NCBP3: variants seen among roughly 807,000 people sequenced by gnomAD.
NCBP3 encodes the protein nuclear cap-binding protein subunit 3.
NCBP3 carries 20 observed loss-of-function variants against 75.7 expected under a neutral mutation model. The ratio of observed to expected loss-of-function variants is 0.26; its 90% CI spans 0.19 to 0.38. The LOEUF (loss-of-function observed/expected upper bound fraction) is 0.38, where lower values mean the gene tolerates loss of function less well. Ranked by LOEUF, NCBP3 falls within the 10% of genes least tolerant of loss-of-function variation. NCBP3 has a pLI of 1.00. For missense variants in NCBP3, 678 were observed against 796.9 expected (o/e 0.85, Z 1.80); for synonymous variants, 293 against 290.5 (o/e 1.01, Z -0.09).
rs931454976 is a variant in NCBP3 at position 3,807,077 on chromosome 17, C to T, written c.*5967G>A. The T allele has an allele frequency of 1.3e-4, 20 of 152,192 alleles. No individual in the cohort carries two copies. Among genetic ancestry groups the T allele is most frequent in the Admixed American group, 1.2e-3 (19 of 15,288 alleles). 9.4% of individuals were successfully genotyped at this position (152,192 alleles called of 1,614,324 possible). A position where few individuals can be genotyped will look rare whatever the true frequency, so the allele number is the denominator to read the frequency against. On this transcript the variant is annotated 3_prime_UTR_variant, in exon 13 of 13. Transcript: ENST00000389005. ...AGCATCTCACCGTAACTTAATGCTT[C>T]GAGTGAGAAGTTTGAGGAATGCTGC...
chr17:3,814,601 C>T (rs966845894), intron 11 of NCBP3, 118 bp from the exon 12 acceptor site: 2 of 1,014,784 alleles, frequency 2.0e-6, no homozygotes, highest in Non-Finnish European at 2.9e-6. Flanking sequence ...CAGGGCCTGA[C>T]AATCAGGCTG....
intron 3 of NCBP3, among the ~76,000 whole-genome samples, chr17:3,837,428 C>G (rs1443411782): frequency 1.3e-5 from 2 of 150,586 alleles, no homozygotes; most frequent in Non-Finnish European, 3.0e-5. Context: ...ACCCGGGCGG[C>G]AGAGGTTGCA....
At chr17:3,823,051 C>A (rs560972833) in intron 7 of NCBP3, among the ~76,000 whole-genome samples, 1 of 152,204 alleles carries the variant, frequency 6.6e-6, no homozygotes, top group Non-Finnish European at 1.5e-5. Flanking sequence ...CGATGGCTCA[C>A]GCCTGTAATC....
chr17:3,833,898 T>A (rs955490525), intron 3 of NCBP3, among the ~76,000 whole-genome samples: 1 of 152,202 alleles, frequency 6.6e-6, no homozygotes, highest in Non-Finnish European at 1.5e-5. Context: ...GTCTGTTCCC[T>A]CTACTATCAC....
intron 9 of NCBP3, among the ~76,000 whole-genome samples, chr17:3,820,493 A>T (rs1049438237): frequency 6.6e-6 from 1 of 152,238 alleles, no homozygotes; most frequent in Non-Finnish European, 1.5e-5. Context: ...CACCAAAAAA[A>T]GGAGAAAGAA....
At chr17:3,820,333 T>G (rs914098317) in intron 9 of NCBP3, among the ~76,000 whole-genome samples, 2 of 152,252 alleles carry the variant, frequency 1.3e-5, no homozygotes, top group Non-Finnish European at 2.9e-5. Context: ...CATCCCTTTC[T>G]GTCCCCATTA....
chr17:3,832,094 T>C (rs561264940), intron 3 of NCBP3, among the ~76,000 whole-genome samples: 1 of 106,608 alleles, frequency 9.4e-6, no homozygotes, highest in African/African-American at 2.8e-5. Flanking sequence ...TGAGGCAGGA[T>C]AATCACTCGA....
chr17:3,814,945 G>A (rs181663388), intron 11 of NCBP3, among the ~76,000 whole-genome samples: 9 of 152,072 alleles, frequency 5.9e-5, no homozygotes, highest in Admixed American at 1.3e-4. Flanking sequence ...CCCAGAAATC[G>A]GCCTGTCCTC....
intron 3 of NCBP3, among the ~76,000 whole-genome samples, chr17:3,830,697 C>T (rs1209490223): frequency 6.6e-6 from 1 of 152,136 alleles, no homozygotes; most frequent in East Asian, 1.9e-4. Context: ...AAGCGATTCT[C>T]CTGCCTCAGC....
Position 3,818,677 on chromosome 17 carries a change from T to C in NCBP3, c.1001-105A>G. The C allele has an allele frequency of 7.9e-7, 1 of 1,269,382 alleles. No individual in the cohort carries two copies. Among genetic ancestry groups the C allele is most frequent in the East Asian group, 2.3e-5 (1 of 43,036 alleles). The allele number at this position is 1,269,382 out of a possible 1,614,324, so 78.6% of individuals were successfully genotyped here. Reference sequence around the variant, plus strand: ...TTTTAAAAGGTGGGGTTCCCATCCCTGACATTTTATTGGAGCACTATCTAT... The same window carrying C: ...TTTTAAAAGGTGGGGTTCCCATCCCCGACATTTTATTGGAGCACTATCTAT... On this transcript the variant is annotated intron_variant, in intron 9 of 12. Coordinates refer to ENST00000389005, the MANE Select transcript of NCBP3 (RefSeq NM_001114118.3). The surrounding 1 kb of genome is among the most constrained non-coding windows in gnomAD (Gnocchi z 4.7).
In NCBP3 at chr17:3,811,748, A is replaced by G. The variant is rs1187102387; in HGVS notation, c.*1296T>C. 5 of 152,240 alleles carry G rather than the reference A, an allele frequency of 3.3e-5. No homozygotes were observed. The highest frequency in any genetic ancestry group is 1.2e-4 in the African/African-American group (5 of 41,468). The allele number at this position is 152,240 out of a possible 1,614,324, so 9.4% of individuals were successfully genotyped here. On this transcript the variant is annotated 3_prime_UTR_variant, in exon 13 of 13. Transcript: ENST00000389005. Reference sequence around the variant, plus strand: ...CGGTTTATTACCATCTCTAACGCCCATGTTCCAGCAAACCGAAGAAAAACA... The same window carrying G: ...CGGTTTATTACCATCTCTAACGCCCGTGTTCCAGCAAACCGAAGAAAAACA...
chr17:3,827,177 C>A (rs2053803928), intron 4 of NCBP3, among the ~76,000 whole-genome samples: 1 of 152,160 alleles, frequency 6.6e-6, no homozygotes, highest in Admixed American at 6.5e-5. Flanking sequence ...CCTAGAGCTG[C>A]GTTTCCAAAC....
chr17:3,820,610 C>T (rs115003642), intron 9 of NCBP3, among the ~76,000 whole-genome samples: 4,482 of 152,256 alleles, frequency 0.029, 106 homozygotes, highest in African/African-American at 0.065. Context: ...AAGAACAATA[C>T]AATCAGTTCA....
chr17:3,825,107 A>T, intron 6 of NCBP3, 57 bp from the exon 7 acceptor site: 2 of 942,158 alleles, frequency 2.1e-6, no homozygotes, highest in Non-Finnish European at 3.1e-6. Context: ...ATATTTCTTC[A>T]GTAGTAAAGC....
At chr17:3,825,681 G>A (rs188647794) in intron 6 of NCBP3, 86 bp downstream of exon 6, 18 of 957,238 alleles carry the variant, frequency 1.9e-5, no homozygotes, top group African/African-American at 3.3e-5. Context: ...GAGAAAAAAC[G>A]TAACTAAGTC....
chr17:3,842,764 G>C (rs981112151), intron 2 of NCBP3, among the ~76,000 whole-genome samples: 6 of 152,032 alleles, frequency 3.9e-5, no homozygotes, highest in Admixed American at 2.6e-4. Flanking sequence ...TCCCACCTCA[G>C]CCTCTTGAGT....
chr17:3,842,411 C>T (rs2054081130), intron 2 of NCBP3, among the ~76,000 whole-genome samples: 1 of 152,022 alleles, frequency 6.6e-6, no homozygotes, highest in Admixed American at 6.6e-5. Context: ...GGCAACGGAG[C>T]GAGACTCCAC....
At chr17:3,820,747 A>G (rs1052792539) in intron 9 of NCBP3, among the ~76,000 whole-genome samples, 1 of 152,210 alleles carries the variant, frequency 6.6e-6, no homozygotes, top group Non-Finnish European at 1.5e-5. Context: ...CCTGGCCAAC[A>G]TGGTGAAACC....
At chr17:3,842,183 G>A (rs565653874) in intron 2 of NCBP3, among the ~76,000 whole-genome samples, 2 of 152,264 alleles carry the variant, frequency 1.3e-5, no homozygotes, top group South Asian at 2.1e-4. Flanking sequence ...CCAGCACTTC[G>A]GGAGGCTGAG....
Sources: allele counts gnomAD v4.1 joint callset (sites outside exome capture counted in the v4.1 genomes callset), GRCh38; gene constraint gnomAD v4.1.1; non-coding constraint Gnocchi (gnomAD v3.1); transcripts MANE v1.5; gene names NCBI Gene and HGNC (gene_info 2026-07-23, HGNC 2026-07-21).